GRIK1: variants seen among roughly 807,000 people sequenced by gnomAD.
GRIK1 encodes the protein glutamate ionotropic receptor kainate type subunit 1.
A neutral mutation model predicts 105.7 loss-of-function variants in GRIK1; 69 were observed. The observed-to-expected ratio is 0.65, with a 90% confidence interval of 0.54 to 0.80. The LOEUF (loss-of-function observed/expected upper bound fraction) is 0.80, where lower values mean the gene tolerates loss of function less well. Ranked by LOEUF, GRIK1 falls within the 30% of genes least tolerant of loss-of-function variation. The pLI, the probability that GRIK1 is intolerant of heterozygous loss-of-function variation, is 0.00. For synonymous variants in GRIK1, 438 were observed against 431.3 expected, an observed-to-expected ratio of 1.02 and a Z score of -0.19; for missense variants, 1,109 against 1,167.3, an observed-to-expected ratio of 0.95 and a Z score of 0.73.
chr21:29,668,719 A>T (rs866521147), intron 4 of GRIK1, among the ~76,000 whole-genome samples: 4 of 152,234 alleles, frequency 2.6e-5, no homozygotes, highest in Middle Eastern at 3.2e-3. Flanking sequence ...TGAGAATTCC[A>T]TAGGTAGAGC....
rs544230882 is a variant in GRIK1 at position 29,642,915 on chromosome 21, G to T, written c.1009C>A (p.Arg337=). The part of the protein sequence containing the change: ...AVYMVAIASH[R]ASQLTVSSLQ... ...GAGCTGACGGTCAGCTGGGATGCCC[G>T]GTGCGAGGCAATGGCCACCATGTAC... is the stretch of plus-strand genomic sequence containing the variant. Residue 337 remains arginine (R), a synonymous_variant, in exon 7 of 18, where the codon CGG becomes AGG. Coordinates refer to ENST00000327783, the MANE Select transcript of GRIK1 (RefSeq NM_001330994.2). 6.2e-7 allele frequency: 1 copy of T among 1,613,778 alleles called. No homozygotes were observed. The highest frequency in any genetic ancestry group is 8.5e-7 in the Non-Finnish European group (1 of 1,179,668).
intron 1 of GRIK1, among the ~76,000 whole-genome samples, chr21:29,789,871 T>G (rs1350617089): frequency 1.3e-5 from 2 of 152,186 alleles, no homozygotes; most frequent in Non-Finnish European, 1.5e-5. Context: ...TTGTGAACTT[T>G]AAAAGGGTAT....
At chr21:29,872,645 G>T (rs2069059159) in intron 1 of GRIK1, among the ~76,000 whole-genome samples, 1 of 152,174 alleles carries the variant, frequency 6.6e-6, no homozygotes, top group Admixed American at 6.5e-5. Context: ...TGGACTCACA[G>T]TTCCACGTAG....
chr21:29,905,689 G>A (rs954873452), intron 1 of GRIK1, among the ~76,000 whole-genome samples: 19 of 134,750 alleles, frequency 1.4e-4, no homozygotes, highest in Admixed American at 2.2e-4. Flanking sequence ...TGCAGTGGAG[G>A]GATCTCGGCT....
At chr21:29,856,770 T>C (rs1002590946) in intron 1 of GRIK1, among the ~76,000 whole-genome samples, 6 of 152,128 alleles carry the variant, frequency 3.9e-5, no homozygotes, top group Admixed American at 1.3e-4. Context: ...GGATGCAGAG[T>C]GCCTGAGAGA....
intron 1 of GRIK1, among the ~76,000 whole-genome samples, chr21:29,769,549 A>G (rs1334068231): frequency 6.6e-6 from 1 of 152,134 alleles, no homozygotes; most frequent in Non-Finnish European, 1.5e-5. Context: ...CGCAGTTCAC[A>G]ATAGGGTTTG....
At chr21:29,688,495 G>C (rs936797695) in intron 3 of GRIK1, among the ~76,000 whole-genome samples, 3 of 151,032 alleles carry the variant, frequency 2.0e-5, no homozygotes, top group Non-Finnish European at 4.4e-5. Context: ...TGTAGATCAA[G>C]GAAAGCAACT....
At chr21:29,564,549 C>T (rs2090567608) in intron 14 of GRIK1, among the ~76,000 whole-genome samples, 1 of 152,116 alleles carries the variant, frequency 6.6e-6, no homozygotes, top group Admixed American at 6.5e-5. Context: ...AGTTCATCCA[C>T]GGTAAATGGA....
chr21:29,821,831 TA>T (rs1404778514), intron 1 of GRIK1, among the ~76,000 whole-genome samples: 3 of 152,048 alleles, frequency 2.0e-5, no homozygotes, highest in African/African-American at 4.8e-5. Flanking sequence ...AATAGACTAG[TA>T]TCTATTTTAT....
chr21:29,566,437 G>A lies in GRIK1; in HGVS notation c.2131-4588C>T, dbSNP rs1174526232. On this transcript the variant is annotated intron_variant, in intron 14 of 17. Transcript: ENST00000327783. Reference sequence around the variant, plus strand: ...CTGTTTAGATAAATGCATTTTATCTGTTTAAATCTGATTATGTGGCTATCC... The same window carrying A: ...CTGTTTAGATAAATGCATTTTATCTATTTAAATCTGATTATGTGGCTATCC... Among the ~76,000 whole-genome samples, 7 of 152,116 alleles carry A rather than the reference G, an allele frequency of 4.6e-5. 1 individual carries two copies. In the East Asian group the frequency reaches 1.3e-3, roughly 29 times the overall value.
intron 9 of GRIK1, among the ~76,000 whole-genome samples, chr21:29,591,820 G>T (rs975197159): frequency 1.3e-5 from 2 of 152,074 alleles, no homozygotes; most frequent in Non-Finnish European, 2.9e-5. Context: ...AGGCCAAGGT[G>T]GGAGGATCTC....
chr21:29,828,063 T>C (rs1037039572), intron 1 of GRIK1, among the ~76,000 whole-genome samples: 2 of 151,732 alleles, frequency 1.3e-5, no homozygotes, highest in African/African-American at 4.8e-5. Flanking sequence ...ACACAGGGTG[T>C]CTCTATTAAG....
chr21:29,929,715 G>T (rs1028972141), intron 1 of GRIK1, among the ~76,000 whole-genome samples: 1 of 152,164 alleles, frequency 6.6e-6, no homozygotes, highest in Non-Finnish European at 1.5e-5. Flanking sequence ...CATGCTGTTG[G>T]CAGGAATGTA....
chr21:29,598,711 T>A (rs2061461596), intron 8 of GRIK1, 119 bp downstream of exon 8: 1 of 529,686 alleles, frequency 1.9e-6, no homozygotes, highest in South Asian at 3.1e-5. Context: ...AAAAACTGGA[T>A]GTAAAAGAAC....
intron 1 of GRIK1, among the ~76,000 whole-genome samples, chr21:29,911,996 A>G (rs1397126163): frequency 6.6e-6 from 1 of 152,088 alleles, no homozygotes; most frequent in African/African-American, 2.4e-5. Flanking sequence ...AGTATTTAGA[A>G]TTAAAGGGGT....
intron 1 of GRIK1, among the ~76,000 whole-genome samples, chr21:29,835,570 C>A (rs962296651): frequency 5.3e-5 from 8 of 152,298 alleles, no homozygotes; most frequent in African/African-American, 1.7e-4. Context: ...CATCTCCAAA[C>A]AACTGATCAT....
At chr21:29,934,067 C>T (rs1368109698) in intron 1 of GRIK1, among the ~76,000 whole-genome samples, 3 of 152,150 alleles carry the variant, frequency 2.0e-5, no homozygotes, top group Admixed American at 6.5e-5. Context: ...TTACCACCAC[C>T]GCCATCTCCA....
intron 16 of GRIK1, among the ~76,000 whole-genome samples, chr21:29,544,042 A>G (rs1391123462): frequency 6.6e-6 from 1 of 152,106 alleles, no homozygotes; most frequent in Non-Finnish European, 1.5e-5. Flanking sequence ...CAACATCCTT[A>G]CCATCTCAGA....
At chr21:29,555,480 G>A (rs1337720273) in intron 15 of GRIK1, among the ~76,000 whole-genome samples, 178 bp from the exon 16 acceptor site, 1 of 152,038 alleles carries the variant, frequency 6.6e-6, no homozygotes, top group African/African-American at 2.4e-5. Flanking sequence ...CTATATAATT[G>A]GAAAGAAGAT....
Sources: gnomAD v4.1 joint callset for allele counts (sites outside exome capture counted in the v4.1 genomes callset) on GRCh38, gnomAD v4.1.1 for gene constraint, MANE v1.5 for transcripts, NCBI Gene and HGNC (gene_info 2026-07-23, HGNC 2026-07-21) for gene names.